OLFM3: variants seen among roughly 807,000 people sequenced by gnomAD.
The protein encoded by OLFM3 is noelin-3.
A neutral mutation model predicts 48.6 loss-of-function variants in OLFM3; 20 were observed. The observed-to-expected ratio is 0.41, with a 90% confidence interval of 0.29 to 0.60. OLFM3 has a LOEUF of 0.60. Ranked by LOEUF, OLFM3 falls within the 20% of genes least tolerant of loss-of-function variation. The pLI, the probability that OLFM3 is intolerant of heterozygous loss-of-function variation, is 0.28. For missense variants in OLFM3, 437 were observed against 544.3 expected, an observed-to-expected ratio of 0.80 and a Z score of 1.96; for synonymous variants, 222 against 198.1, an observed-to-expected ratio of 1.12 and a Z score of -1.01.
At chr1:101,950,401 A>G (rs1660102360) in intron 1 of OLFM3, among the ~76,000 whole-genome samples, 1 of 151,672 alleles carries the variant, frequency 6.6e-6, no homozygotes, top group Non-Finnish European at 1.5e-5. Flanking sequence ...TTCTCACCTT[A>G]CCACACCCAT....
rs1336802 is a variant in OLFM3, at chr1:101,923,003, A to G, written c.69+73745T>C. 3.7e-3 allele frequency among the ~76,000 whole-genome samples: 566 copies of G among 152,342 alleles called. 23 individuals carry two copies. Among genetic ancestry groups the G allele is most frequent in the Admixed American group, 0.032 (495 of 15,300 alleles). On this transcript the variant is annotated intron_variant, in intron 1 of 5. Coordinates refer to ENST00000370103, the MANE Select transcript of OLFM3 (RefSeq NM_058170.4). ...CAATATAAAGATAAAAGAGTGACTC[A>G]GTTTTAGCTCAAACAAGCAAAGTCA...
chr1:101,864,738 C>T (rs371964679), intron 1 of OLFM3, among the ~76,000 whole-genome samples: 4 of 152,132 alleles, frequency 2.6e-5, no homozygotes, highest in South Asian at 2.1e-4. Flanking sequence ...TTTTGTGAGG[C>T]TGGGGTCCTC....
In OLFM3 at chr1:101,806,134, G is replaced by A; in HGVS notation, c.641C>T (p.Ser214Phe). The stretch of plus-strand genomic sequence containing the variant: ...CATCCAAGCACCAAATCGGGTTCCA[G>A]ATGTCTTGACTGTAACTGGGCCTGT... ...KITGPVTVKT[S>F]GTRFGAWMTD... Residue 214 changes from serine to phenylalanine, a missense_variant, in exon 5 of 6, where the codon TCT becomes TTT. Transcript: ENST00000370103. 1 of 1,612,158 alleles carries A rather than the reference G, an allele frequency of 6.2e-7. No individual in the cohort carries two copies. The highest frequency in any genetic ancestry group is 8.5e-7 in the Non-Finnish European group (1 of 1,178,720).
At chr1:101,984,549 C>T (rs532194713) in intron 1 of OLFM3, among the ~76,000 whole-genome samples, 2 of 152,122 alleles carry the variant, frequency 1.3e-5, no homozygotes, top group Non-Finnish European at 2.9e-5. Context: ...AGGCGTCTGC[C>T]GCCATGCCCA....
At chr1:101,951,636 A>G (rs1039659833) in intron 1 of OLFM3, among the ~76,000 whole-genome samples, 1 of 152,206 alleles carries the variant, frequency 6.6e-6, no homozygotes, top group African/African-American at 2.4e-5. Flanking sequence ...AGCCAAAAAA[A>G]GGAAAGGTCA....
rs926999241 is a variant in OLFM3 at position 101,804,426 on chromosome 1, A to G, written c.1189T>C (p.Tyr397His). ...TNSHLTGAKV[Y>H]YSYSTKTSTY... ...GAGGTTTTGGTGGAATAGGAATAAT[A>G]CACCTTGGCTCCAGTTAAGTGGGAG... Residue 397 changes from tyrosine (Y) to histidine (H), a missense_variant, in exon 6 of 6, where the codon TAT becomes CAT. Physicochemically the swap from Tyr to His is moderately conservative, Grantham distance 83. Transcript: ENST00000370103. The surrounding 1 kb of genome is among the most constrained non-coding windows in gnomAD (Gnocchi z 4.5). 6.2e-7 allele frequency: 1 copy of G among 1,612,378 alleles called. No homozygotes were observed. Among genetic ancestry groups the G allele is most frequent in the Non-Finnish European group, 8.5e-7 (1 of 1,178,910 alleles).
intron 1 of OLFM3, among the ~76,000 whole-genome samples, chr1:101,916,769 T>C (rs1171964173): frequency 6.6e-6 from 1 of 152,198 alleles, no homozygotes; most frequent in African/African-American, 2.4e-5. Flanking sequence ...GTTTTTGTGA[T>C]TGTGAGATCT....
rs536850760 is a variant in OLFM3, at chr1:101,813,253, T to A, written c.593-7071A>T. 2.0e-4 allele frequency: 75 copies of A among 366,380 alleles called. 2 individuals are homozygous for A. The highest frequency in any genetic ancestry group is 2.0e-3 in the South Asian group (75 of 37,076). 22.7% of individuals were successfully genotyped at this position (366,380 alleles called of 1,614,324 possible). ...AATATTTGTCAATATTAAATAAAAA[T>A]TATTGAAATTCAGTCATGAGTACTG... On this transcript the variant is annotated intron_variant, in intron 4 of 5. Coordinates refer to ENST00000370103, the MANE Select transcript of OLFM3 (RefSeq NM_058170.4).
chr1:101,988,635 G>T (rs1324722055), intron 1 of OLFM3, among the ~76,000 whole-genome samples: 1 of 151,894 alleles, frequency 6.6e-6, no homozygotes, highest in East Asian at 1.9e-4. Flanking sequence ...CTTGACTTAT[G>T]TATTCTTCAT....
At chr1:101,879,639 G>A (rs7539105) in intron 1 of OLFM3, among the ~76,000 whole-genome samples, 3,684 of 151,830 alleles carry the variant, frequency 0.024, 164 homozygotes, top group African/African-American at 0.084. Context: ...GATTTATATA[G>A]AAGCCTAGAT....
rs541648069 is a variant in OLFM3, at chr1:101,883,710, C to T, written c.70-46685G>A. On this transcript the variant is annotated intron_variant, in intron 1 of 5. Coordinates refer to ENST00000370103, the MANE Select transcript of OLFM3 (RefSeq NM_058170.4). ...AGAATAATATGAAAAAGAAGTGACA[C>T]GCAATTAACAATAATTATTATATCT... 4.3e-4 allele frequency among the ~76,000 whole-genome samples: 65 copies of T among 152,000 alleles called. 1 individual carries two copies. The highest frequency in any genetic ancestry group is 1.0e-3 in the South Asian group (5 of 4,822).
intron 4 of OLFM3, among the ~76,000 whole-genome samples, chr1:101,815,536 C>CT (rs1654294694): frequency 6.6e-6 from 1 of 150,700 alleles, no homozygotes. Flanking sequence ...AGTAGATGGA[C>CT]TTGGGGTATG....
At chr1:101,866,370 C>T (rs1656857189) in intron 1 of OLFM3, among the ~76,000 whole-genome samples, 5 of 151,968 alleles carry the variant, frequency 3.3e-5, no homozygotes, top group African/African-American at 1.2e-4. Flanking sequence ...AAAATATCTT[C>T]AATATTATTG....
intron 1 of OLFM3, among the ~76,000 whole-genome samples, chr1:101,956,158 A>C (rs10493966): frequency 0.48 from 71,846 of 148,888 alleles, 18,234 homozygotes; most frequent in African/African-American, 0.63. Flanking sequence ...TGTTACCAAC[A>C]TTTTTCTATA....
intron 1 of OLFM3, among the ~76,000 whole-genome samples, chr1:101,865,690 C>T (rs1656832875): frequency 6.6e-6 from 1 of 152,174 alleles, no homozygotes; most frequent in Admixed American, 6.5e-5. Context: ...CCCAGAAAGT[C>T]ACAGCCTGGA....
intron 4 of OLFM3, among the ~76,000 whole-genome samples, chr1:101,816,265 G>A (rs955752371): frequency 1.3e-5 from 2 of 152,138 alleles, no homozygotes; most frequent in Non-Finnish European, 2.9e-5. Context: ...AAGAAGCAGG[G>A]AGACAGGAGT....
chr1:101,921,087 T>C (rs1659078809), intron 1 of OLFM3, among the ~76,000 whole-genome samples: 1 of 152,126 alleles, frequency 6.6e-6, no homozygotes, highest in African/African-American at 2.4e-5. Flanking sequence ...AGATGCTCAA[T>C]GGTGAGTGGA....
In OLFM3 at chr1:101,963,108, A is replaced by C. The variant is rs557560143; in HGVS notation, c.69+33640T>G. 3.9e-5 allele frequency among the ~76,000 whole-genome samples: 6 copies of C among 152,262 alleles called. No individual in the cohort carries two copies. In the East Asian group the frequency reaches 1.2e-3, roughly 29 times the overall value. On this transcript the variant is annotated intron_variant, in intron 1 of 5. Coordinates refer to ENST00000370103, the MANE Select transcript of OLFM3 (RefSeq NM_058170.4). ...TCTCGCACTGGACACCTGGCACCAC[A>C]CCTTCAGATTCATTCTGCTGGGGTC...
intron 1 of OLFM3, among the ~76,000 whole-genome samples, chr1:101,886,131 T>C (rs528781755): frequency 6.6e-6 from 1 of 152,164 alleles, no homozygotes; most frequent in South Asian, 2.1e-4. Flanking sequence ...AAGGTGTTTG[T>C]CTTTTAAAAA....
Sources: allele counts gnomAD v4.1 joint callset (sites outside exome capture counted in the v4.1 genomes callset), GRCh38; gene constraint gnomAD v4.1.1; non-coding constraint Gnocchi (gnomAD v3.1); transcripts MANE v1.5; gene names NCBI Gene and HGNC (gene_info 2026-07-23, HGNC 2026-07-21).